The following CARMIL1 variants were observed in gnomAD, a reference collection of about 807,000 sequenced individuals.
CARMIL1 encodes capping protein regulator and myosin 1 linker 1.
In CARMIL1, 90 loss-of-function variants were observed where a neutral mutation model predicts 177.1. The observed-to-expected ratio is 0.51, with a 90% CI of 0.43 to 0.61. The LOEUF (loss-of-function observed/expected upper bound fraction) is 0.61, where lower values mean the gene tolerates loss of function less well. Among genes scored for constraint, CARMIL1 ranks in the 20% least tolerant of loss-of-function variants. CARMIL1 has a pLI of 0.00. For synonymous variants in CARMIL1, 577 were observed against 606.2 expected (o/e 0.95, Z 0.71); for missense variants, 1,380 against 1,667.0 (o/e 0.83, Z 3.00).
At chr6:25,568,714 T>C (rs3804124) in intron 29 of CARMIL1, among the ~76,000 whole-genome samples, 25,706 of 152,154 alleles carry the variant, frequency 0.17, 2,442 homozygotes, top group East Asian at 0.4. Context: ...TTTCAGAGCA[T>C]TCTTTATCAT....
chr6:25,322,584 A>C (rs181754639), intron 2 of CARMIL1, among the ~76,000 whole-genome samples: 12 of 152,308 alleles, frequency 7.9e-5, no homozygotes, highest in Non-Finnish European at 1.6e-4. Flanking sequence ...CATTTTTCTG[A>C]GCTTGTAACC....
chr6:25,309,435 A>G (rs1459661783), intron 2 of CARMIL1, among the ~76,000 whole-genome samples: 1 of 150,484 alleles, frequency 6.6e-6, no homozygotes, highest in African/African-American at 2.4e-5. Context: ...GGCTATTAGT[A>G]TATTCACAGA....
intron 2 of CARMIL1, among the ~76,000 whole-genome samples, chr6:25,341,280 A>G (rs1786907501): frequency 6.6e-6 from 1 of 152,230 alleles, no homozygotes; most frequent in Admixed American, 6.5e-5. Context: ...AGAAGGTGCC[A>G]GAGACAATAA....
chr6:25,459,215 T>TTTCC (rs1491465065), intron 8 of CARMIL1, among the ~76,000 whole-genome samples: 3 of 46,616 alleles, frequency 6.4e-5, no homozygotes, highest in Admixed American at 2.7e-4. Flanking sequence ...CAACTTTTTC[T>TTTCC]TTCTTTCTTT....
At chr6:25,406,424 A>G (rs888298552) in intron 2 of CARMIL1, among the ~76,000 whole-genome samples, 1 of 152,124 alleles carries the variant, frequency 6.6e-6, no homozygotes, top group Non-Finnish European at 1.5e-5. Context: ...TGAAGAGCTT[A>G]AGCAGAGAAG....
Position 25,530,607 on chromosome 6 carries a change from C to T in CARMIL1, c.2067+1714C>T, listed in dbSNP as rs143281353. On this transcript the variant is annotated intron_variant, in intron 24 of 36. Transcript: ENST00000329474. The stretch of plus-strand genomic sequence containing the variant: ...TAATGTCTTCTTCCTCGTTTGGAAG[C>T]GGATTTATTTTGGATCAAAAATTCT... Among the ~76,000 whole-genome samples, 545 of 152,138 alleles carry T rather than the reference C, an allele frequency of 3.6e-3. 2 individuals are homozygous for T. Among genetic ancestry groups the T allele is most frequent in the African/African-American group, 0.013 (530 of 41,498 alleles).
chr6:25,552,982 A>C (rs1582339684), intron 27 of CARMIL1, among the ~76,000 whole-genome samples: 3 of 152,160 alleles, frequency 2.0e-5, no homozygotes, highest in African/African-American at 7.2e-5. Flanking sequence ...GCAAATAGAT[A>C]GTGATACCTT....
At chr6:25,478,491 A>G (rs1341491008) in intron 11 of CARMIL1, among the ~76,000 whole-genome samples, 3 of 152,206 alleles carry the variant, frequency 2.0e-5, no homozygotes, top group Admixed American at 6.5e-5. Flanking sequence ...CAGGTAAAGC[A>G]ATATTTTAAA....
intron 2 of CARMIL1, among the ~76,000 whole-genome samples, chr6:25,309,810 C>T (rs1174819607): frequency 6.8e-6 from 1 of 146,024 alleles, no homozygotes; most frequent in Non-Finnish European, 1.5e-5. Context: ...TGCTCTGTTG[C>T]CCAGGCTAGA....
chr6:25,291,453 C>A (rs1561942000), intron 2 of CARMIL1, among the ~76,000 whole-genome samples: 1 of 152,228 alleles, frequency 6.6e-6, no homozygotes, highest in East Asian at 1.9e-4. Flanking sequence ...TTGCAGTAGG[C>A]CATACTCATT....
intron 2 of CARMIL1, among the ~76,000 whole-genome samples, chr6:25,365,216 C>A (rs976705808): frequency 1.3e-5 from 2 of 152,152 alleles, no homozygotes; most frequent in Non-Finnish European, 2.9e-5. Flanking sequence ...GTTGCTTCAC[C>A]ACCTTGATGC....
At chr6:25,505,956 A>C (rs374225419) in intron 17 of CARMIL1, among the ~76,000 whole-genome samples, 16 of 152,306 alleles carry the variant, frequency 1.1e-4, no homozygotes, top group East Asian at 5.8e-4. Context: ...TAGTTTCTTT[A>C]AGTGGAAGCT....
At chr6:25,421,787 GC>G (rs1795880624) in intron 3 of CARMIL1, among the ~76,000 whole-genome samples, 2 of 146,834 alleles carry the variant, frequency 1.4e-5, no homozygotes, top group Non-Finnish European at 3.0e-5. Flanking sequence ...ACCAAACACC[GC>G]ATGTTCTCAC....
At chr6:25,439,902 A>G (rs1797580077) in intron 5 of CARMIL1, among the ~76,000 whole-genome samples, 1 of 152,098 alleles carries the variant, frequency 6.6e-6, no homozygotes, top group Non-Finnish European at 1.5e-5. Flanking sequence ...GATCAGTAGA[A>G]AGAGAGATTT....
At chr6:25,396,621 C>T (rs1272142739) in intron 2 of CARMIL1, among the ~76,000 whole-genome samples, 1 of 152,162 alleles carries the variant, frequency 6.6e-6, no homozygotes, top group Admixed American at 6.5e-5. Context: ...CTCGGCCTCC[C>T]AAAGTGCTGG....
Position 25,581,375 on chromosome 6 carries a change from A to G in CARMIL1, c.2942A>G (p.Lys981Arg), listed in dbSNP as rs1813103863. 1 of 1,613,630 alleles carries G rather than the reference A, an allele frequency of 6.2e-7. No individual in the cohort carries two copies. Residue 981 changes from lysine (K) to arginine (R), a missense_variant, in exon 31 of 37, where the codon AAG becomes AGG. Transcript: ENST00000329474. ...ISELPSEEGK[K>R]LEHFTKLRPK... ...GAGTTGCCCTCTGAAGAGGGGAAGA[A>G]GCTGGAACACTTTACCAAGTTAAGG...
chr6:25,421,531 C>A (rs909248216), intron 3 of CARMIL1, among the ~76,000 whole-genome samples: 29 of 152,222 alleles, frequency 1.9e-4, no homozygotes, highest in Admixed American at 3.3e-4. Context: ...TGGGTATATA[C>A]CCAAAGGACT....
chr6:25,373,082 C>T (rs531476157), intron 2 of CARMIL1, among the ~76,000 whole-genome samples: 44 of 152,298 alleles, frequency 2.9e-4, no homozygotes, highest in Non-Finnish European at 2.2e-4. Context: ...ATCATCCCTA[C>T]ATCCTGGATG....
At chr6:25,423,134 A>G (rs528436353) in intron 3 of CARMIL1, among the ~76,000 whole-genome samples, 3 of 152,376 alleles carry the variant, frequency 2.0e-5, no homozygotes, top group Non-Finnish European at 2.9e-5. Flanking sequence ...TGGAGAAATA[A>G]GTATATTTAT....
Sources: gnomAD v4.1 joint callset for allele counts (sites outside exome capture counted in the v4.1 genomes callset) on GRCh38, gnomAD v4.1.1 for gene constraint, MANE v1.5 for transcripts, NCBI Gene and HGNC (gene_info 2026-07-23, HGNC 2026-07-21) for gene names.